P4HA3: variants seen among roughly 807,000 people sequenced by gnomAD.
P4HA3 encodes the protein prolyl 4-hydroxylase subunit alpha 3.
Under a neutral mutation model 66.7 loss-of-function variants are expected in P4HA3, and 60 were observed. The ratio of observed to expected loss-of-function variants is 0.90; its 90% CI spans 0.73 to 1.12. The LOEUF is 1.12. Ranked by LOEUF, P4HA3 falls within the 50% of genes most tolerant of loss-of-function variation. P4HA3 has a pLI of 0.00. For missense variants in P4HA3, 683 were observed against 685.8 expected, an observed-to-expected ratio of 1.00 and a Z score of 0.05; for synonymous variants, 263 against 274.6, an observed-to-expected ratio of 0.96 and a Z score of 0.42.
chr11:74,278,483 G>A lies in P4HA3; in HGVS notation c.1175+905C>T, dbSNP rs116238805. Among the ~76,000 whole-genome samples the A allele has an allele frequency of 6.3e-3, 955 of 152,320 alleles. 11 individuals are homozygous for A. Among genetic ancestry groups the A allele is most frequent in the African/African-American group, 0.02 (816 of 41,570 alleles). On this transcript the variant is annotated intron_variant, in intron 8 of 12. Coordinates refer to ENST00000331597, the MANE Select transcript of P4HA3 (RefSeq NM_182904.5). Reference sequence around the variant, plus strand: ...GGTGACCTTTGGGAGACCAGCTCCAGCGAAGTTGTGAGGACAGAACCAAAA... The same window carrying A: ...GGTGACCTTTGGGAGACCAGCTCCAACGAAGTTGTGAGGACAGAACCAAAA...
chr11:74,262,361 C>T (rs1859921084), downstream of P4HA3, among the ~76,000 whole-genome samples: 2 of 151,816 alleles, frequency 1.3e-5, no homozygotes, highest in Admixed American at 1.3e-4. Context: ...GGTCCTGTGA[C>T]CAATGAAGTG....
intron 11 of P4HA3, 50 bp from the exon 12 acceptor site, chr11:74,268,291 C>T (rs748748349): frequency 6.9e-7 from 1 of 1,458,048 alleles, no homozygotes; most frequent in South Asian, 1.1e-5. Context: ...GAACCTCAGT[C>T]CTCGGGAAGC....
At chr11:74,265,406 G>C (rs1230262078), downstream of P4HA3, among the ~76,000 whole-genome samples, 1 of 152,206 alleles carries the variant, frequency 6.6e-6, no homozygotes, top group Non-Finnish European at 1.5e-5. Flanking sequence ...GGGCCACAGA[G>C]CTCTGGGAAG....
At chr11:74,283,708 A>G (rs1246125014) in intron 7 of P4HA3, among the ~76,000 whole-genome samples, 1 of 152,156 alleles carries the variant, frequency 6.6e-6, no homozygotes, top group Non-Finnish European at 1.5e-5. Context: ...CTCTGAACAT[A>G]CCACATATCA....
Position 74,285,984 on chromosome 11 carries a change from G to A in P4HA3, c.935C>T (p.Pro312Leu). 6.2e-7 allele frequency: 1 copy of A among 1,604,186 alleles called. No individual in the cohort carries two copies. Among genetic ancestry groups the A allele is most frequent in the Non-Finnish European group, 8.5e-7 (1 of 1,171,146 alleles). Reference protein sequence around the residue: ...EGLCQTLGSQPTLYQIPSLYC... With the variant: ...EGLCQTLGSQLTLYQIPSLYC... ...GAGGCTAGGGATCTGGTAGAGAGTG[G>A]GCTGGAAGGAAAGAATAGGATGAGC... Residue 312 changes from proline (P) to leucine (L), a missense_variant and splice_region_variant, in exon 7 of 13, where the codon CCC becomes CTC. Pro to Leu is a moderately conservative substitution (Grantham distance 98). Coordinates refer to ENST00000331597, the MANE Select transcript of P4HA3 (RefSeq NM_182904.5).
chr11:74,311,275 A>G, intron 1 of P4HA3, 137 bp downstream of exon 1: 1 of 1,031,190 alleles, frequency 9.7e-7, no homozygotes, highest in Non-Finnish European at 1.3e-6. Flanking sequence ...TCTCAGTCGC[A>G]CGGTGCGACA....
Position 74,286,005 on chromosome 11 carries a change from T to C in P4HA3, c.934-20A>G. 1 of 1,591,452 alleles carries C rather than the reference T, an allele frequency of 6.3e-7. No individual in the cohort carries two copies. Among genetic ancestry groups the C allele is most frequent in the Non-Finnish European group, 8.6e-7 (1 of 1,160,060 alleles). On this transcript the variant is annotated intron_variant, in intron 6 of 12. Coordinates refer to ENST00000331597, the MANE Select transcript of P4HA3 (RefSeq NM_182904.5). Reference sequence around the variant, plus strand: ...AGTGGGCTGGAAGGAAAGAATAGGATGAGCATAAGAGAAGAAGGGTCTAGG... The same window carrying C: ...AGTGGGCTGGAAGGAAAGAATAGGACGAGCATAAGAGAAGAAGGGTCTAGG...
At chr11:74,280,189 T>C (rs1189813820) in intron 7 of P4HA3, among the ~76,000 whole-genome samples, 1 of 152,198 alleles carries the variant, frequency 6.6e-6, no homozygotes, top group Non-Finnish European at 1.5e-5. Context: ...GGTCTTGCTC[T>C]GTTGCCCAGG....
At chr11:74,296,572 G>C (rs564547138) in intron 4 of P4HA3, among the ~76,000 whole-genome samples, 2 of 152,076 alleles carry the variant, frequency 1.3e-5, no homozygotes, top group Non-Finnish European at 2.9e-5. Context: ...GGAGAACTCA[G>C]GAAGACTTCA....
At chr11:74,261,164 T>C (rs191248336) in intron 14 of P4HA3, among the ~76,000 whole-genome samples, 60 of 152,228 alleles carry the variant, frequency 3.9e-4, no homozygotes, top group South Asian at 3.5e-3. Flanking sequence ...AAATGAGTGA[T>C]GGAAAAGCTC....
intron 4 of P4HA3, among the ~76,000 whole-genome samples, chr11:74,296,934 CTTTTTTTTTT>C (rs540922878): frequency 2.4e-5 from 3 of 123,904 alleles, no homozygotes; most frequent in African/African-American, 9.3e-5. Context: ...TTCTTTTTTT[CTTTTTTTTTT>C]TTTTTTGAGA....
At chr11:74,302,306 C>G in intron 3 of P4HA3, 63 bp downstream of exon 3, 2 of 1,392,394 alleles carry the variant, frequency 1.4e-6, no homozygotes, top group Admixed American at 4.3e-5. Flanking sequence ...TCAATCGGTA[C>G]ATAGTTATTT....
intron 1 of P4HA3, among the ~76,000 whole-genome samples, chr11:74,308,884 G>A (rs1445719727): frequency 1.3e-5 from 2 of 152,194 alleles, no homozygotes; most frequent in Non-Finnish European, 2.9e-5. Context: ...CCCTATGGTG[G>A]TAGGTACTAT....
intron 1 of P4HA3, among the ~76,000 whole-genome samples, chr11:74,307,173 T>C (rs1363682788): frequency 4.6e-5 from 7 of 152,178 alleles, no homozygotes; most frequent in Non-Finnish European, 1.0e-4. Context: ...AGTTTCCTCA[T>C]CCATAAAATG....
chr11:74,251,723 G>A (rs376787845), intron 15 of P4HA3: 23 of 1,613,902 alleles, frequency 1.4e-5, no homozygotes, highest in Middle Eastern at 1.7e-4. Context: ...GTGGTAAGGC[G>A]GGTACAAGGG....
rs1042343289 is a variant in P4HA3, at chr11:74,305,456, G to A, written c.201-1044C>T. ...GAGGAAACTGAAACAAAGCCACACT[G>A]TTAGTAAAGGGCAAAGCCAGGATGG... On this transcript the variant is annotated intron_variant, in intron 1 of 12. Transcript: ENST00000331597. 4.6e-5 allele frequency among the ~76,000 whole-genome samples: 7 copies of A among 152,188 alleles called. No homozygotes were observed. In the East Asian group the frequency reaches 1.4e-3, roughly 29 times the overall value.
In P4HA3 at chr11:74,304,425, A is replaced by G; in HGVS notation, c.201-13T>C. The G allele has an allele frequency of 6.2e-7, 1 of 1,613,900 alleles. No individual in the cohort carries two copies. The highest frequency in any genetic ancestry group is 8.5e-7 in the Non-Finnish European group (1 of 1,179,856). On this transcript the variant is annotated splice_polypyrimidine_tract_variant and intron_variant, in intron 1 of 12. Transcript: ENST00000331597. ...CTTGTCGTAGAATCTGAAAGAAAGG[A>G]GTAGAATGATCTCACCTCCTGATAC...
intron 15 of P4HA3, among the ~76,000 whole-genome samples, chr11:74,252,251 G>T (rs371233769): frequency 0.025 from 2,902 of 118,190 alleles, 43 homozygotes; most frequent in African/African-American, 0.046. Flanking sequence ...TTTTTTTTTT[G>T]TTTTTTTTTT....
chr11:74,303,291 TC>T (rs540906129), intron 2 of P4HA3, among the ~76,000 whole-genome samples: 1 of 137,006 alleles, frequency 7.3e-6, no homozygotes, highest in African/African-American at 2.8e-5. Flanking sequence ...TCAACAAACT[TC>T]TTTTTTTTTT....
Sources: gnomAD v4.1 joint callset for allele counts (sites outside exome capture counted in the v4.1 genomes callset) on GRCh38, gnomAD v4.1.1 for gene constraint, MANE v1.5 for transcripts, NCBI Gene and HGNC (gene_info 2026-07-23, HGNC 2026-07-21) for gene names.